The following NCR1 variants were observed in gnomAD, a reference collection of about 807,000 sequenced individuals.
NCR1 encodes the protein natural cytotoxicity triggering receptor 1.
Under a neutral mutation model 32.5 loss-of-function variants are expected in NCR1, and 30 were observed. That is an observed-to-expected ratio of 0.92 (90% CI 0.69 to 1.25). NCR1 has a LOEUF of 1.25. Ranked by LOEUF, NCR1 falls within the 50% of genes most tolerant of loss-of-function variation. NCR1 has a pLI of 0.00. For missense variants in NCR1, 369 were observed against 380.7 expected (o/e 0.97, Z 0.26); for synonymous variants, 169 against 143.4 (o/e 1.18, Z -1.28).
chr19:54,906,143 G>A (rs371125976), upstream of NCR1: 38 of 1,613,684 alleles, frequency 2.4e-5, no homozygotes, highest in African/African-American at 3.1e-4. Flanking sequence ...TGGCCCGCCC[G>A]GCTCAGTCCC....
chr19:54,898,592 T>C, the NCR1 span, among the ~76,000 whole-genome samples: 1 of 152,188 alleles, frequency 6.6e-6, no homozygotes, highest in African/African-American at 2.4e-5. Flanking sequence ...TTTGGAGCTT[T>C]ATTTAATGTT....
chr19:54,916,338 T>TTTTTTTTTTTTTTTTTTTG (rs1556721210), downstream of NCR1, among the ~76,000 whole-genome samples: 1 of 132,024 alleles, frequency 7.6e-6, no homozygotes, highest in African/African-American at 2.9e-5. Context: ...TTTTTTTTTT[T>TTTTTTTTTTTTTTTTTTTG]GAGACGAAGT....
chr19:54,935,255 G>C, the NCR1 span, among the ~76,000 whole-genome samples: 3 of 151,606 alleles, frequency 2.0e-5, no homozygotes, highest in Admixed American at 1.3e-4. Context: ...TTTGAGACAG[G>C]ATCTCGCTCT....
chr19:54,920,391 G>A (rs1402669058), downstream of NCR1, among the ~76,000 whole-genome samples: 2 of 152,238 alleles, frequency 1.3e-5, no homozygotes, highest in South Asian at 4.1e-4. Flanking sequence ...TCCTTGCTAC[G>A]GACTGAATTG....
downstream of NCR1, among the ~76,000 whole-genome samples, chr19:54,920,475 T>C (rs568084843): frequency 1.8e-4 from 28 of 152,254 alleles, no homozygotes; most frequent in Admixed American, 6.5e-5. Flanking sequence ...TCAGAGGTAA[T>C]TAAGGCTGGT....
chr19:54,920,138 G>A (rs191780362), downstream of NCR1, among the ~76,000 whole-genome samples: 6 of 151,812 alleles, frequency 4.0e-5, no homozygotes, highest in South Asian at 4.1e-4. Context: ...CTCTTGCCTC[G>A]GTGCCTGGGT....
chr19:54,902,928 G>A (rs750303373), upstream of NCR1, among the ~76,000 whole-genome samples: 4 of 151,900 alleles, frequency 2.6e-5, no homozygotes, highest in Admixed American at 1.3e-4. Flanking sequence ...TCAAGAGTTC[G>A]AGACTAGCCT....
chr19:54,919,722 C>CCCA (rs1556721792), downstream of NCR1, among the ~76,000 whole-genome samples: 1 of 147,434 alleles, frequency 6.8e-6, no homozygotes, highest in African/African-American at 2.5e-5. Context: ...AGACCCCCCC[C>CCCA]CCCACCCGCT....
chr19:54,909,797 C>T (rs1410075115), intron 4 of NCR1, among the ~76,000 whole-genome samples: 1 of 151,434 alleles, frequency 6.6e-6, no homozygotes, highest in East Asian at 2.0e-4. Flanking sequence ...TAGCCAGACG[C>T]AGTGGCGGAC....
the NCR1 span, among the ~76,000 whole-genome samples, chr19:54,924,220 G>A: frequency 6.6e-6 from 1 of 152,036 alleles, no homozygotes; most frequent in South Asian, 2.1e-4. Context: ...CATCCACCTC[G>A]GCCTCCCAAA....
chr19:54,929,175 T>A, the NCR1 span, among the ~76,000 whole-genome samples: 1 of 151,918 alleles, frequency 6.6e-6, no homozygotes, highest in South Asian at 2.1e-4. Context: ...TTGAGACCAG[T>A]CTGGCTAACA....
chr19:54,932,062 A>T, the NCR1 span, among the ~76,000 whole-genome samples: 1 of 152,102 alleles, frequency 6.6e-6, no homozygotes, highest in South Asian at 2.1e-4. Flanking sequence ...CTACATATAT[A>T]GGGGTATAGT....
the NCR1 span, among the ~76,000 whole-genome samples, chr19:54,928,811 GT>G: frequency 6.6e-6 from 1 of 151,266 alleles, no homozygotes; most frequent in East Asian, 2.0e-4. Flanking sequence ...CTTTGGTTTT[GT>G]TTTTTTTAAG....
chr19:54,929,250 TC>T, the NCR1 span, among the ~76,000 whole-genome samples: 1 of 151,972 alleles, frequency 6.6e-6, no homozygotes, highest in Admixed American at 6.6e-5. Flanking sequence ...ACGCCTGTAA[TC>T]CCAACTACTC....
chr19:54,906,204 C>T lies in NCR1; in HGVS notation c.17C>T (p.Pro6Leu). The stretch of plus-strand genomic sequence containing the variant: ...ATCTGAGCGATGTCTTCCACACTCC[C>T]TGCCCTGCTCTGCGTCGGTGAGTTC... Reference protein sequence around the residue: MSSTLPALLCVGLCLS... With the variant: MSSTLLALLCVGLCLS... Residue 6 changes from proline (P) to leucine (L), a missense_variant, in exon 1 of 7, where the codon CCT becomes CTT. Coordinates refer to ENST00000291890, the MANE Select transcript of NCR1 (RefSeq NM_004829.7). The T allele has an allele frequency of 6.2e-7, 1 of 1,614,198 alleles. No homozygotes were observed. The highest frequency in any genetic ancestry group is 8.5e-7 in the Non-Finnish European group (1 of 1,180,042).
chr19:54,934,986 C>T, the NCR1 span, among the ~76,000 whole-genome samples: 30 of 152,192 alleles, frequency 2.0e-4, no homozygotes, highest in Admixed American at 4.6e-4. This position sits in a 1 kb window ranked among gnomAD's most constrained non-coding sequence, Gnocchi z 6.7. Flanking sequence ...TGTGAGCCAC[C>T]GCGCCTGGCC....
At chr19:54,922,021 C>G in the NCR1 span, among the ~76,000 whole-genome samples, 1 of 151,848 alleles carries the variant, frequency 6.6e-6, no homozygotes, top group East Asian at 2.0e-4. Flanking sequence ...CTCAGCCTCC[C>G]GAGTAGCTGG....
At chr19:54,898,884 G>A in the NCR1 span, among the ~76,000 whole-genome samples, 209 of 152,258 alleles carry the variant, frequency 1.4e-3, 2 homozygotes, top group Non-Finnish European at 1.2e-3. Context: ...ACTGTAAGCT[G>A]GACCGGGTGT....
the NCR1 span, among the ~76,000 whole-genome samples, chr19:54,925,390 A>G: frequency 2.0e-5 from 3 of 152,102 alleles, no homozygotes; most frequent in Non-Finnish European, 2.9e-5. Flanking sequence ...CAGACGTGTG[A>G]AAAATCGTAC....
Sources: gnomAD v4.1 joint callset for allele counts (sites outside exome capture counted in the v4.1 genomes callset) on GRCh38, gnomAD v4.1.1 for gene constraint, Gnocchi (gnomAD v3.1) non-coding constraint, MANE v1.5 for transcripts, NCBI Gene and HGNC (gene_info 2026-07-23, HGNC 2026-07-21) for gene names.